STAT5B: variants seen among roughly 807,000 people sequenced by gnomAD.
STAT5B encodes transcription factor STAT5B.
A neutral mutation model predicts 107.8 loss-of-function variants in STAT5B; 21 were observed. The observed-to-expected ratio is 0.19, with a 90% CI of 0.14 to 0.28. The LOEUF (loss-of-function observed/expected upper bound fraction) is 0.28, where lower values mean the gene tolerates loss of function less well. Among genes scored for constraint, STAT5B ranks in the 10% least tolerant of loss-of-function variants. The pLI is 1.00. For missense variants in STAT5B, 565 were observed against 1,008.2 expected (o/e 0.56, Z 5.95); for synonymous variants, 325 against 401.7 (o/e 0.81, Z 2.28).
chr17:42,229,279 A>T (rs1429175647), intron 2 of STAT5B, among the ~76,000 whole-genome samples: 4 of 151,862 alleles, frequency 2.6e-5, no homozygotes, highest in Non-Finnish European at 4.4e-5. Flanking sequence ...CCTCCCAAGT[A>T]GCTGGAATTA....
intron 15 of STAT5B, 22 bp downstream of exon 15, chr17:42,210,149 A>AT (rs1567655872): frequency 1.2e-6 from 2 of 1,614,192 alleles, no homozygotes; most frequent in Non-Finnish European, 1.7e-6. Flanking sequence ...AACTTTGGAC[A>AT]TAAGAAGGGA....
chr17:42,245,279 T>G (rs1027951268), intron 1 of STAT5B, among the ~76,000 whole-genome samples: 1 of 151,844 alleles, frequency 6.6e-6, no homozygotes, highest in Non-Finnish European at 1.5e-5. Flanking sequence ...GGTTTCACCA[T>G]GTTGGCCAAG....
chr17:42,206,177 C>T (rs2144205716), intron 16 of STAT5B, among the ~76,000 whole-genome samples: 1 of 152,268 alleles, frequency 6.6e-6, no homozygotes, highest in African/African-American at 2.4e-5. Flanking sequence ...AATTCTCCTG[C>T]CTCCCTGGTT....
chr17:42,219,608 G>A, intron 6 of STAT5B, 104 bp downstream of exon 6: 1 of 1,374,836 alleles, frequency 7.3e-7, no homozygotes, highest in Middle Eastern at 2.5e-4. Flanking sequence ...AAGGCCTCCT[G>A]CCCTCCCAGG....
chr17:42,243,841 T>C (rs114277874), intron 1 of STAT5B, among the ~76,000 whole-genome samples: 2,847 of 152,172 alleles, frequency 0.019, 84 homozygotes, highest in African/African-American at 0.065. Context: ...AGCATGCAAG[T>C]TGGGCTCTCT....
intron 12 of STAT5B, chr17:42,214,749 T>C: frequency 1.3e-6 from 1 of 771,556 alleles, no homozygotes; most frequent in Non-Finnish European, 1.6e-6. Flanking sequence ...CTTTGCCTAC[T>C]AAAAAAATTT....
chr17:42,281,872 A>G, the STAT5B span, among the ~76,000 whole-genome samples: 1 of 152,196 alleles, frequency 6.6e-6, no homozygotes, highest in Non-Finnish European at 1.5e-5. Context: ...GGTGGGGCGG[A>G]CGCAGAGGAG....
At position 42,209,897 on chromosome 17, in the gene STAT5B, G is replaced by A. The variant is rs112908145; in HGVS notation, c.1906+274C>T. Among the ~76,000 whole-genome samples the A allele has an allele frequency of 2.2e-3, 332 of 152,240 alleles. 2 individuals are homozygous for A. Among genetic ancestry groups the A allele is most frequent in the African/African-American group, 7.3e-3 (304 of 41,538 alleles). On this transcript the variant is annotated intron_variant, in intron 15 of 18. Transcript: ENST00000293328. ...GAGGGAAGCAACTGAGATTCTGCAC[G>A]GACTCTTGTATCATAGGTAGCCATG...
At chr17:42,282,125 C>G in the STAT5B span, among the ~76,000 whole-genome samples, 1 of 152,178 alleles carries the variant, frequency 6.6e-6, no homozygotes, top group Non-Finnish European at 1.5e-5. Context: ...AAGTTCTGTG[C>G]TGGTTTAGGG....
At chr17:42,286,535 T>G in the STAT5B span, among the ~76,000 whole-genome samples, 2 of 152,170 alleles carry the variant, frequency 1.3e-5, no homozygotes, top group Non-Finnish European at 2.9e-5. Flanking sequence ...GGCTGCCTGC[T>G]GGAGCAACAG....
chr17:42,236,064 A>C (rs1486238017), intron 1 of STAT5B, among the ~76,000 whole-genome samples: 1 of 152,238 alleles, frequency 6.6e-6, no homozygotes, highest in African/African-American at 2.4e-5. Flanking sequence ...GAATTTGTAG[A>C]ATATTTTTAT....
chr17:42,245,612 C>T (rs1356147372), intron 1 of STAT5B, among the ~76,000 whole-genome samples: 3 of 151,348 alleles, frequency 2.0e-5, no homozygotes, highest in Non-Finnish European at 4.4e-5. Context: ...AACCTCCGCC[C>T]CCCAGGTTCA....
chr17:42,248,694 C>A (rs76806513), intron 1 of STAT5B, among the ~76,000 whole-genome samples: 3,005 of 152,338 alleles, frequency 0.02, 36 homozygotes, highest in South Asian at 0.032. Flanking sequence ...TGCAAGGCAT[C>A]AGCCAGGATA....
chr17:42,220,395 G>A (rs920815240), intron 5 of STAT5B, among the ~76,000 whole-genome samples: 1 of 152,172 alleles, frequency 6.6e-6, no homozygotes, highest in Non-Finnish European at 1.5e-5. Flanking sequence ...GGTTAACGGG[G>A]AACAGGACAG....
At chr17:42,246,951 C>T (rs943839028) in intron 1 of STAT5B, among the ~76,000 whole-genome samples, 4 of 152,164 alleles carry the variant, frequency 2.6e-5, no homozygotes, top group Non-Finnish European at 5.9e-5. Context: ...TAACTTCGCT[C>T]CTACTCAAAG....
At chr17:42,236,151 C>T (rs1011972778) in intron 1 of STAT5B, among the ~76,000 whole-genome samples, 4 of 152,064 alleles carry the variant, frequency 2.6e-5, no homozygotes, top group African/African-American at 9.7e-5. Flanking sequence ...CTGGTAAATA[C>T]CAAGTGGCAA....
intron 1 of STAT5B, among the ~76,000 whole-genome samples, chr17:42,250,473 C>A (rs1441505811): frequency 6.6e-6 from 1 of 152,022 alleles, no homozygotes; most frequent in Non-Finnish European, 1.5e-5. Context: ...ATCACCAAAC[C>A]TTAAATAATA....
At chr17:42,262,910 ATATATATGTGTGTATATATATATG>A (rs1292631226) in intron 1 of STAT5B, among the ~76,000 whole-genome samples, 7 of 116,492 alleles carry the variant, frequency 6.0e-5, no homozygotes, top group African/African-American at 2.3e-4. Context: ...ATATATGTGT[ATATATATGTGTGTATATATATATG>A]TATATATATG....
Position 42,218,913 on chromosome 17 carries a change from T to C in STAT5B, c.834-35A>G, listed in dbSNP as rs774963505. 3.3e-5 allele frequency: 53 copies of C among 1,613,692 alleles called. 1 individual carries two copies. The Admixed American group carries it at 8.5e-4, about 26-fold the overall frequency. On this transcript the variant is annotated intron_variant, in intron 7 of 18. Coordinates refer to ENST00000293328, the MANE Select transcript of STAT5B (RefSeq NM_012448.4). ...AGCCCCAAGGCCAACAGGAGGACAA[T>C]GGCTCCTCCGCACAGACGCCAGGCC...
Sources: gnomAD v4.1 joint callset for allele counts (sites outside exome capture counted in the v4.1 genomes callset) on GRCh38, gnomAD v4.1.1 for gene constraint, MANE v1.5 for transcripts, NCBI Gene and HGNC (gene_info 2026-07-23, HGNC 2026-07-21) for gene names.